The following RMST variants were observed in gnomAD, a reference collection of about 807,000 sequenced individuals.
The protein encoded by RMST is rhabdomyosarcoma 2 associated transcript.
At chr12:97,467,381 T>G (rs968238404) in intron 5 of RMST, among the ~76,000 whole-genome samples, 1 of 152,032 alleles carries the variant, frequency 6.6e-6, no homozygotes, top group Admixed American at 6.6e-5. Context: ...AATGAAATCC[T>G]GACATCAATT....
At chr12:97,523,339 A>G (rs111566242) in intron 10 of RMST, among the ~76,000 whole-genome samples, 1,940 of 152,270 alleles carry the variant, frequency 0.013, 46 homozygotes, top group African/African-American at 0.044. Context: ...TTTATTGCTA[A>G]TAATATGTGG....
At chr12:97,544,023 T>C (rs1312003643) in intron 11 of RMST, among the ~76,000 whole-genome samples, 1 of 152,098 alleles carries the variant, frequency 6.6e-6, no homozygotes, top group Non-Finnish European at 1.5e-5. Context: ...TCACTTTTCC[T>C]ATTTTGTATT....
intron 5 of RMST, among the ~76,000 whole-genome samples, chr12:97,488,636 G>C (rs983883100): frequency 6.6e-6 from 1 of 152,124 alleles, no homozygotes; most frequent in Non-Finnish European, 1.5e-5. Flanking sequence ...GTGCATCCTG[G>C]GAATATCCAG....
At chr12:97,500,189 G>A (rs763662936) in intron 10 of RMST, among the ~76,000 whole-genome samples, 13 of 152,160 alleles carry the variant, frequency 8.5e-5, no homozygotes, top group African/African-American at 2.4e-4. Flanking sequence ...AATTTTCTCC[G>A]ATGTAAATGT....
chr12:97,505,962 C>A (rs1013694112), intron 10 of RMST, among the ~76,000 whole-genome samples: 8 of 152,098 alleles, frequency 5.3e-5, no homozygotes, highest in Non-Finnish European at 4.4e-5. Context: ...GTAATACATG[C>A]AGGTGTGAAC....
At chr12:97,496,543 G>T (rs1224367697) in intron 10 of RMST, among the ~76,000 whole-genome samples, 1 of 152,178 alleles carries the variant, frequency 6.6e-6, no homozygotes, top group Non-Finnish European at 1.5e-5. Flanking sequence ...TTTGATTACT[G>T]TGTCCTAAGT....
At chr12:97,535,190 TAA>T (rs1403226679) in intron 11 of RMST, among the ~76,000 whole-genome samples, 1 of 151,644 alleles carries the variant, frequency 6.6e-6, no homozygotes, top group Non-Finnish European at 1.5e-5. Flanking sequence ...CTAGAAACAA[TAA>T]GTGTCCCAAT....
intron 10 of RMST, among the ~76,000 whole-genome samples, chr12:97,522,788 ATTTTCTTACCATAAATTT>A (rs747991314): frequency 1.3e-5 from 2 of 152,152 alleles, no homozygotes; most frequent in Admixed American, 1.3e-4. Context: ...TATGGTAAAT[ATTTTCTTACCATAAATTT>A]CAGTCAAAAA....
At chr12:97,471,196 A>C (rs1435963503) in intron 5 of RMST, among the ~76,000 whole-genome samples, 2 of 152,104 alleles carry the variant, frequency 1.3e-5, no homozygotes, top group African/African-American at 4.8e-5. Flanking sequence ...AGTCAGATTA[A>C]TGTAGATAGA....
chr12:97,512,141 C>A (rs1252499859), intron 10 of RMST, among the ~76,000 whole-genome samples: 1 of 152,092 alleles, frequency 6.6e-6, no homozygotes, highest in Non-Finnish European at 1.5e-5. Context: ...GATTCGTGGT[C>A]TCGCTGGCTC....
chr12:97,522,626 A>G (rs1465113378), intron 10 of RMST, among the ~76,000 whole-genome samples: 1 of 152,212 alleles, frequency 6.6e-6, no homozygotes, highest in Non-Finnish European at 1.5e-5. Flanking sequence ...CAACCCATTA[A>G]TGGGTCATGA....
intron 11 of RMST, among the ~76,000 whole-genome samples, chr12:97,549,124 A>T (rs1189758656): frequency 1.3e-5 from 2 of 152,210 alleles, no homozygotes; most frequent in Non-Finnish European, 2.9e-5. Context: ...TATGAAACAT[A>T]TATATCTGCA....
In RMST at chr12:97,548,279, G is replaced by A. The variant is rs76482643; in HGVS notation, n.1546-12258G>A. On this transcript the variant is annotated intron_variant and non_coding_transcript_variant, in intron 11 of 13. Coordinates refer to ENST00000640149, the Ensembl canonical transcript of RMST. ...ATTTGTTTTTATGCTAGACCTGTGCGGTTTTGATTACTATAGCTTTGTAGT... is the reference window on the plus strand; with the variant it reads ...ATTTGTTTTTATGCTAGACCTGTGCAGTTTTGATTACTATAGCTTTGTAGT... 3.8e-3 allele frequency among the ~76,000 whole-genome samples: 578 copies of A among 152,054 alleles called. 6 individuals are homozygous for A. Among genetic ancestry groups the A allele is most frequent in the African/African-American group, 0.013 (545 of 41,532 alleles).
At chr12:97,505,382 A>C (rs1049728767) in intron 10 of RMST, among the ~76,000 whole-genome samples, 2 of 152,370 alleles carry the variant, frequency 1.3e-5, no homozygotes, top group East Asian at 3.9e-4. Flanking sequence ...TGACAGCAGC[A>C]TAGGGCTATG....
At position 97,496,229 on chromosome 12, in the gene RMST, G is replaced by A. The variant is rs11829906; in HGVS notation, n.1340+173G>A. On this transcript the variant is annotated intron_variant and non_coding_transcript_variant, in intron 10 of 13. Coordinates refer to ENST00000640149, the Ensembl canonical transcript of RMST. ...TATAGGATGCAAAAATTTCACTTTT[G>A]AGGATTAACTATGGTGGATTTTTTT... Among the ~76,000 whole-genome samples the A allele has an allele frequency of 1.3e-3, 203 of 152,114 alleles. 3 individuals carry two copies. The highest frequency in any genetic ancestry group is 4.4e-3 in the African/African-American group (182 of 41,488).
chr12:97,543,113 T>G (rs1460250480), intron 11 of RMST, among the ~76,000 whole-genome samples: 2 of 152,030 alleles, frequency 1.3e-5, no homozygotes, highest in African/African-American at 2.4e-5. Context: ...CACATTACAT[T>G]TTAAAAAACC....
intron 11 of RMST, among the ~76,000 whole-genome samples, chr12:97,531,095 T>C (rs185498601): frequency 1.2e-3 from 186 of 151,778 alleles, no homozygotes; most frequent in Non-Finnish European, 2.2e-3. Flanking sequence ...CAATATTTTC[T>C]CTGTTGAGTC....
chr12:97,518,983 G>C lies in RMST; in HGVS notation n.1341-11672G>C, dbSNP rs1422693521. Among the ~76,000 whole-genome samples, 5 of 151,822 alleles carry C rather than the reference G, an allele frequency of 3.3e-5. No homozygotes were observed. In the East Asian group the frequency reaches 9.7e-4, roughly 29 times the overall value. The stretch of plus-strand genomic sequence containing the variant: ...TATAGAGATGAGGTCTCACTATATT[G>C]CCCAGGCTGGTCTTGAGCTTCTGGC... On this transcript the variant is annotated intron_variant and non_coding_transcript_variant, in intron 10 of 13. Coordinates refer to ENST00000640149, the Ensembl canonical transcript of RMST.
chr12:97,494,406 C>T (rs964641959), intron 8 of RMST, among the ~76,000 whole-genome samples: 12 of 151,938 alleles, frequency 7.9e-5, no homozygotes, highest in East Asian at 7.7e-4. Flanking sequence ...AAAATTAATC[C>T]GGGTGCAGTG....
Sources: allele counts gnomAD v4.1 joint callset (sites outside exome capture counted in the v4.1 genomes callset), GRCh38; gene constraint gnomAD v4.1.1; transcripts MANE v1.5; gene names NCBI Gene and HGNC (gene_info 2026-07-23, HGNC 2026-07-21).